NPAS3: variants seen among roughly 807,000 people sequenced by gnomAD.
NPAS3 encodes neuronal PAS domain-containing protein 3.
In NPAS3, 14 loss-of-function variants were observed where a neutral mutation model predicts 73.1. That is an observed-to-expected ratio of 0.19 (90% confidence interval 0.13 to 0.30). NPAS3 has a LOEUF of 0.30. Among genes scored for constraint, NPAS3 ranks in the 10% least tolerant of loss-of-function variants. The probability of loss-of-function intolerance (pLI) is 1.00; values close to 1 mark genes in which losing one functional copy is unlikely to be tolerated. For missense variants in NPAS3, 1,096 were observed against 1,250.0 expected (o/e 0.88, Z 1.86); for synonymous variants, 620 against 541.5 (o/e 1.14, Z -2.01).
Position 33,101,783 on chromosome 14 carries a change from A to G in NPAS3, c.140+45789A>G, listed in dbSNP as rs1490575239. On this transcript the variant is annotated intron_variant, in intron 2 of 11. Transcript: ENST00000356141. ...TCCTGACTTTCATAGGTACTCATCC[A>G]ATATCCTGTTGTACATGAAGATCCA... Among the ~76,000 whole-genome samples the G allele has an allele frequency of 2.0e-5, 3 of 152,138 alleles. No individual in the cohort carries two copies. The East Asian group carries it at 5.8e-4, about 29-fold the overall frequency.
intron 2 of NPAS3, among the ~76,000 whole-genome samples, chr14:33,197,140 C>T (rs1191879478): frequency 6.6e-6 from 1 of 151,874 alleles, no homozygotes; most frequent in Non-Finnish European, 1.5e-5. Context: ...AAATTATAGC[C>T]TACAGTTGAA....
At chr14:33,597,028 T>A (rs1170942764) in intron 5 of NPAS3, among the ~76,000 whole-genome samples, 1 of 152,170 alleles carries the variant, frequency 6.6e-6, no homozygotes, top group Non-Finnish European at 1.5e-5. Flanking sequence ...GGGACTGGAT[T>A]TCTGCAGATT....
chr14:32,934,936 G>C, upstream of NPAS3: 1 of 1,189,316 alleles, frequency 8.4e-7, no homozygotes, highest in South Asian at 2.8e-5. The surrounding 1 kb of genome is among the most constrained non-coding windows in gnomAD (Gnocchi z 4.1). Flanking sequence ...CGCGGGCATG[G>C]GGAGGGCCGG....
intron 6 of NPAS3, among the ~76,000 whole-genome samples, chr14:33,705,382 G>T (rs1377840726): frequency 3.3e-5 from 5 of 152,154 alleles, no homozygotes; most frequent in Admixed American, 3.3e-4. Flanking sequence ...AGTTTTGGGA[G>T]TGTTGAAATG....
intron 4 of NPAS3, among the ~76,000 whole-genome samples, chr14:33,405,417 G>A (rs1354351508): frequency 1.3e-5 from 2 of 152,056 alleles, no homozygotes; most frequent in East Asian, 1.9e-4. Flanking sequence ...TAATTCAAGA[G>A]CATTTCCTTC....
At chr14:33,242,576 G>A (rs571685316) in intron 3 of NPAS3, among the ~76,000 whole-genome samples, 1 of 152,208 alleles carries the variant, frequency 6.6e-6, no homozygotes, top group African/African-American at 2.4e-5. Flanking sequence ...GTAAGCTAAA[G>A]ATTAGAGAAG....
chr14:33,788,031 C>A (rs558724862), intron 9 of NPAS3, among the ~76,000 whole-genome samples: 1 of 152,276 alleles, frequency 6.6e-6, no homozygotes, highest in East Asian at 1.9e-4. Flanking sequence ...TGCCTTGGGC[C>A]TTAGGTGGAG....
intron 5 of NPAS3, among the ~76,000 whole-genome samples, chr14:33,586,939 A>G (rs1178743861): frequency 6.6e-6 from 1 of 152,218 alleles, no homozygotes; most frequent in Non-Finnish European, 1.5e-5. Context: ...GAGATGCAGT[A>G]AAAGACAAGA....
chr14:33,626,266 C>T (rs186320603), intron 5 of NPAS3, among the ~76,000 whole-genome samples: 143 of 152,120 alleles, frequency 9.4e-4, no homozygotes, highest in African/African-American at 3.3e-3. Flanking sequence ...ATAAAATTTA[C>T]CTTTAGAGGG....
chr14:32,984,661 A>G (rs1364597662), intron 1 of NPAS3, among the ~76,000 whole-genome samples: 1 of 152,184 alleles, frequency 6.6e-6, no homozygotes, highest in Admixed American at 6.5e-5. Flanking sequence ...CAGGAATACT[A>G]TTGTGTTTGT....
intron 2 of NPAS3, among the ~76,000 whole-genome samples, chr14:33,199,083 G>A (rs1023024572): frequency 1.3e-5 from 2 of 152,150 alleles, no homozygotes; most frequent in African/African-American, 4.8e-5. Context: ...GCTGGCCTGC[G>A]AGCTCCGTGT....
intron 5 of NPAS3, among the ~76,000 whole-genome samples, chr14:33,580,950 T>C (rs1335023585): frequency 6.6e-6 from 1 of 152,188 alleles, no homozygotes; most frequent in Admixed American, 6.5e-5. Flanking sequence ...CAAGTATTCA[T>C]CCCACACATC....
intron 2 of NPAS3, among the ~76,000 whole-genome samples, chr14:33,180,146 A>G (rs2045738300): frequency 6.6e-6 from 1 of 152,126 alleles, no homozygotes; most frequent in South Asian, 2.1e-4. Flanking sequence ...TTTATTTTTA[A>G]TGTTCTAAAA....
At chr14:32,977,638 G>A (rs528755646) in intron 1 of NPAS3, among the ~76,000 whole-genome samples, 44 of 152,236 alleles carry the variant, frequency 2.9e-4, no homozygotes, top group Non-Finnish European at 4.6e-4. Flanking sequence ...AGGTGGAGGC[G>A]GGAGGATCAC....
chr14:32,943,749 G>A (rs1298047792), intron 1 of NPAS3, among the ~76,000 whole-genome samples: 12 of 145,272 alleles, frequency 8.3e-5, no homozygotes, highest in African/African-American at 2.3e-4. Flanking sequence ...ATGCTGGAGT[G>A]CAGTGGCACA....
intron 4 of NPAS3, among the ~76,000 whole-genome samples, chr14:33,441,738 C>A (rs963336150): frequency 9.2e-5 from 14 of 152,160 alleles, no homozygotes; most frequent in Admixed American, 9.2e-4. Context: ...AATGGATTCA[C>A]AGTTTCACGT....
At chr14:33,313,967 A>G (rs568619533) in intron 3 of NPAS3, among the ~76,000 whole-genome samples, 1 of 152,194 alleles carries the variant, frequency 6.6e-6, no homozygotes, top group East Asian at 1.9e-4. Flanking sequence ...CAATATTTCC[A>G]ATGTACATAG....
intron 5 of NPAS3, among the ~76,000 whole-genome samples, chr14:33,673,753 T>C (rs1425205075): frequency 6.6e-6 from 1 of 152,202 alleles, no homozygotes; most frequent in Non-Finnish European, 1.5e-5. Flanking sequence ...TGAATGGTTC[T>C]CCTAGGGCCC....
chr14:33,679,613 A>G (rs1401367821), intron 6 of NPAS3, among the ~76,000 whole-genome samples: 2 of 152,202 alleles, frequency 1.3e-5, no homozygotes, highest in Admixed American at 6.5e-5. Context: ...TTATTATGAA[A>G]ATGAAAGGAC....
Sources: gnomAD v4.1 joint callset for allele counts (sites outside exome capture counted in the v4.1 genomes callset) on GRCh38, gnomAD v4.1.1 for gene constraint, Gnocchi (gnomAD v3.1) non-coding constraint, MANE v1.5 for transcripts, NCBI Gene and HGNC (gene_info 2026-07-23, HGNC 2026-07-21) for gene names.